TENM4: variants seen among roughly 807,000 people sequenced by gnomAD.
The protein encoded by TENM4 is teneurin-4.
A neutral mutation model predicts 243.3 loss-of-function variants in TENM4; 82 were observed. The ratio of observed to expected loss-of-function variants is 0.34; its 90% confidence interval spans 0.28 to 0.40. The LOEUF is 0.40. TENM4 is among the 10% of genes least tolerant of loss of function. The pLI is 1.00. For synonymous variants in TENM4, 1,412 were observed against 1,456.3 expected, an observed-to-expected ratio of 0.97 and a Z score of 0.69; for missense variants, 3,138 against 3,673.3, an observed-to-expected ratio of 0.85 and a Z score of 3.77.
intron 30 of TENM4, among the ~76,000 whole-genome samples, chr11:78,674,559 A>T (rs1435539546): frequency 6.6e-6 from 1 of 152,240 alleles, no homozygotes; most frequent in East Asian, 1.9e-4. Flanking sequence ...CCTGAGGCTC[A>T]GAGGAGCTGC....
In TENM4 at chr11:79,420,848, T is replaced by G. The variant is rs142517866; in HGVS notation, c.-321+19661A>C. Reference sequence around the variant, plus strand: ...TAGGAGCAGTCACTCCAGAGTCAGATAAACCCAGGTTCAATGCTAATTCCA... The same window carrying G: ...TAGGAGCAGTCACTCCAGAGTCAGAGAAACCCAGGTTCAATGCTAATTCCA... On this transcript the variant is annotated intron_variant, in intron 1 of 33. Transcript: ENST00000278550. 3.6e-4 allele frequency among the ~76,000 whole-genome samples: 55 copies of G among 152,326 alleles called. No individual in the cohort carries two copies. In the East Asian group the frequency reaches 7.1e-3, roughly 20 times the overall value.
At chr11:78,690,451 T>C (rs1241020091) in intron 28 of TENM4, among the ~76,000 whole-genome samples, 5 of 152,214 alleles carry the variant, frequency 3.3e-5, no homozygotes, top group Non-Finnish European at 7.3e-5. Context: ...TATTTATGTA[T>C]ATTTCCATGC....
intron 15 of TENM4, 121 bp from the exon 16 acceptor site, chr11:78,787,204 C>A: frequency 8.5e-7 from 1 of 1,181,544 alleles, no homozygotes; most frequent in Non-Finnish European, 1.2e-6. Context: ...TGTTGGAAAC[C>A]AAAGTCACAC....
At chr11:79,397,166 C>T (rs952134997) in intron 1 of TENM4, among the ~76,000 whole-genome samples, 6 of 152,216 alleles carry the variant, frequency 3.9e-5, no homozygotes, top group Admixed American at 3.9e-4. Context: ...AAGGAAAAGG[C>T]CATTCCAGCT....
intron 15 of TENM4, among the ~76,000 whole-genome samples, chr11:78,799,657 T>G (rs896263815): frequency 1.3e-5 from 2 of 152,366 alleles, no homozygotes; most frequent in East Asian, 3.8e-4. Flanking sequence ...TACTCCAAAT[T>G]TCATGCAATT....
intron 2 of TENM4, among the ~76,000 whole-genome samples, chr11:79,236,330 T>G: frequency 6.6e-6 from 1 of 152,216 alleles, no homozygotes; most frequent in East Asian, 1.9e-4. Context: ...GTCTCCTGAA[T>G]GCAATCTAAA....
intron 21 of TENM4, 118 bp downstream of exon 21, chr11:78,732,198 T>A: frequency 7.1e-7 from 1 of 1,401,856 alleles, no homozygotes; most frequent in Non-Finnish European, 9.5e-7. Context: ...AACAGGCTGA[T>A]GGGACCTGAC....
At chr11:79,103,815 G>C (rs886078072) in intron 4 of TENM4, among the ~76,000 whole-genome samples, 2 of 152,156 alleles carry the variant, frequency 1.3e-5, no homozygotes, top group African/African-American at 4.8e-5. Context: ...ACCTTCCTCT[G>C]CTCCCCACTC....
intron 28 of TENM4, among the ~76,000 whole-genome samples, chr11:78,698,818 A>G (rs1288362218): frequency 1.3e-5 from 2 of 152,262 alleles, no homozygotes; most frequent in Non-Finnish European, 2.9e-5. Flanking sequence ...GCTCGCAGCC[A>G]GTGAAAATAG....
At chr11:79,381,487 A>G (rs969405741) in intron 1 of TENM4, among the ~76,000 whole-genome samples, 3 of 151,472 alleles carry the variant, frequency 2.0e-5, no homozygotes, top group Admixed American at 6.6e-5. Context: ...AGAGTCCCCA[A>G]CGTTTGCTCA....
rs188116409 is a variant in TENM4, at chr11:79,052,010, T to C, written c.493+12728A>G. 3.0e-3 allele frequency among the ~76,000 whole-genome samples: 464 copies of C among 152,366 alleles called. 1 individual carries two copies. The highest frequency in any genetic ancestry group is 0.011 in the African/African-American group (448 of 41,590). Reference sequence around the variant, plus strand: ...GTGTATATGTACCACATTTTCTTTATCCAGTCTAACATTGATGGACATTTA... The same window carrying C: ...GTGTATATGTACCACATTTTCTTTACCCAGTCTAACATTGATGGACATTTA... On this transcript the variant is annotated intron_variant, in intron 6 of 33. Transcript: ENST00000278550.
At chr11:78,958,957 T>A (rs1220640020) in intron 6 of TENM4, among the ~76,000 whole-genome samples, 2 of 152,250 alleles carry the variant, frequency 1.3e-5, no homozygotes, top group East Asian at 1.9e-4. Context: ...TCAACTTTTT[T>A]AAATACCACA....
At position 79,256,550 on chromosome 11, in the gene TENM4, G is replaced by A. The variant is rs796847167; in HGVS notation, c.-264-40641C>T. On this transcript the variant is annotated intron_variant, in intron 2 of 33. Transcript: ENST00000278550. ...CCAGTGGGAAACCAAAGCAATCAGT[G>A]AGAATCTGCAAAATGGTGTCACCTA... is the stretch of plus-strand genomic sequence containing the variant. Among the ~76,000 whole-genome samples the A allele has an allele frequency of 6.3e-4, 96 of 152,326 alleles. 1 individual carries two copies. Among genetic ancestry groups the A allele is most frequent in the African/African-American group, 2.1e-3 (89 of 41,582 alleles).
At chr11:79,118,453 T>C (rs1029290653) in intron 4 of TENM4, among the ~76,000 whole-genome samples, 1 of 152,228 alleles carries the variant, frequency 6.6e-6, no homozygotes, top group African/African-American at 2.4e-5. Context: ...TTCAATGGCA[T>C]TGAGTACATT....
At chr11:79,147,400 C>T (rs890136785) in intron 4 of TENM4, among the ~76,000 whole-genome samples, 2 of 152,014 alleles carry the variant, frequency 1.3e-5, no homozygotes, top group African/African-American at 4.8e-5. Flanking sequence ...GCTTCTCGGA[C>T]CCACTCTAAA....
At chr11:79,178,386 A>G (rs1230666790) in intron 3 of TENM4, among the ~76,000 whole-genome samples, 1 of 152,114 alleles carries the variant, frequency 6.6e-6, no homozygotes, top group Non-Finnish European at 1.5e-5. Context: ...GAGGTTGTAT[A>G]AGATCTCCCA....
rs1858730060 is a variant in TENM4, at chr11:78,688,079, T to C, written c.5235A>G (p.Ser1745=). The C allele has an allele frequency of 6.2e-7, 1 of 1,613,832 alleles. No homozygotes were observed. The stretch of plus-strand genomic sequence containing the variant: ...CTTGCAGCAGTGTGTAGAAGGCGCC[T>C]GAGGCAGACAGGTTGGTGGTTATGG... ...DVTITTNLSA[S]GAFYTLLQDQ... is the part of the protein sequence containing the mutation. The change falls in exon 29 of 34, where the codon TCA becomes TCG. Residue 1745 remains serine (S), a synonymous_variant. Transcript: ENST00000278550.
chr11:79,397,843 C>T (rs1858377405), intron 1 of TENM4, among the ~76,000 whole-genome samples: 1 of 152,068 alleles, frequency 6.6e-6, no homozygotes, highest in African/African-American at 2.4e-5. Context: ...AATCAGCAAA[C>T]CAGTCCACAG....
chr11:78,915,027 G>A (rs1395343870), intron 6 of TENM4, among the ~76,000 whole-genome samples: 1 of 152,150 alleles, frequency 6.6e-6, no homozygotes, highest in East Asian at 1.9e-4. Context: ...CCTACAGTAC[G>A]AGACCCCCCA....
Sources: gnomAD v4.1 joint callset for allele counts (sites outside exome capture counted in the v4.1 genomes callset) on GRCh38, gnomAD v4.1.1 for gene constraint, MANE v1.5 for transcripts, NCBI Gene and HGNC (gene_info 2026-07-23, HGNC 2026-07-21) for gene names.